SUMF2: variants seen among roughly 807,000 people sequenced by gnomAD.
SUMF2 encodes inactive C-alpha-formylglycine-generating enzyme 2.
Under a neutral mutation model 44.8 loss-of-function variants are expected in SUMF2, and 45 were observed. That is an observed-to-expected ratio of 1.00 (90% CI 0.79 to 1.29). SUMF2 has a LOEUF of 1.29. SUMF2 is among the 50% of genes most tolerant of loss of function. The pLI is 0.00. For synonymous variants in SUMF2, 148 were observed against 150.4 expected (o/e 0.98, Z 0.12); for missense variants, 418 against 389.9 (o/e 1.07, Z -0.61).
rs114774908 is a variant in SUMF2 at position 56,075,378 on chromosome 7, T to G, written c.535+642T>G. On this transcript the variant is annotated intron_variant, in intron 5 of 8. Coordinates refer to ENST00000434526, the MANE Select transcript of SUMF2 (RefSeq NM_015411.4). Reference sequence around the variant, plus strand: ...TACCAAGACTACACACTTCTGCCTCTGGGGTACAGAGATTAATGTTAAGAG... The same window carrying G: ...TACCAAGACTACACACTTCTGCCTCGGGGGTACAGAGATTAATGTTAAGAG... Among the ~76,000 whole-genome samples the G allele has an allele frequency of 9.3e-3, 1,420 of 152,090 alleles. 19 individuals carry two copies. The highest frequency in any genetic ancestry group is 0.032 in the African/African-American group (1,345 of 41,482).
At chr7:56,082,336 T>C, downstream of SUMF2, 2 of 1,089,992 alleles carry the variant, frequency 1.8e-6, no homozygotes, top group Admixed American at 3.8e-5. Flanking sequence ...CTCATTTCTA[T>C]AATCCTAGCA....
chr7:56,074,489 A>G, intron 4 of SUMF2, 97 bp from the exon 5 acceptor site: 4 of 1,492,076 alleles, frequency 2.7e-6, no homozygotes. Flanking sequence ...CTCTTGCTCC[A>G]TCTAGTGGTA....
downstream of SUMF2, chr7:56,081,812 C>A (rs936093867): frequency 3.1e-6 from 5 of 1,608,118 alleles, no homozygotes; most frequent in Non-Finnish European, 4.3e-6. The surrounding 1 kb of genome is among the most constrained non-coding windows in gnomAD (Gnocchi z 4.6). Flanking sequence ...TCCAGCATGT[C>A]AGGAAAGGCA....
chr7:56,077,213 A>C (rs1326362852), intron 6 of SUMF2, among the ~76,000 whole-genome samples: 1 of 150,592 alleles, frequency 6.6e-6, no homozygotes, highest in Non-Finnish European at 1.5e-5. Flanking sequence ...TGCCCAGCTA[A>C]TTTTTTTGTA....
chr7:56,069,117 G>C (rs1336670103), intron 2 of SUMF2, among the ~76,000 whole-genome samples: 6 of 152,094 alleles, frequency 3.9e-5, no homozygotes, highest in Non-Finnish European at 8.8e-5. Flanking sequence ...AATCCAAAGA[G>C]GTTTGACTGA....
chr7:56,065,121 G>C, intron 1 of SUMF2, among the ~76,000 whole-genome samples: 1 of 149,786 alleles, frequency 6.7e-6, no homozygotes, highest in African/African-American at 2.5e-5. Flanking sequence ...GAACCCCGGG[G>C]GGTGGAGCCT....
chr7:56,084,369 G>GT, downstream of SUMF2: 4 of 473,416 alleles, frequency 8.4e-6, no homozygotes, highest in Non-Finnish European at 1.1e-5. Flanking sequence ...TGAGTATCCC[G>GT]ATTTTTTTTT....
downstream of SUMF2, chr7:56,084,246 T>C: frequency 3.3e-6 from 5 of 1,507,310 alleles, no homozygotes; most frequent in Non-Finnish European, 4.5e-6. Flanking sequence ...TCTTCCCATC[T>C]GTGGAAGTGA....
chr7:56,074,014 C>CAAAAA (rs56927689), intron 3 of SUMF2, 160 bp from the exon 4 acceptor site: 54 of 320,880 alleles, frequency 1.7e-4, no homozygotes, highest in Middle Eastern at 1.8e-3. Flanking sequence ...GATCTTGTCT[C>CAAAAA]AAAAAAAAAA....
chr7:56,077,884 T>C (rs1795667065), intron 6 of SUMF2, among the ~76,000 whole-genome samples: 1 of 151,626 alleles, frequency 6.6e-6, no homozygotes, highest in South Asian at 2.1e-4. Flanking sequence ...GCCCTGTGGG[T>C]ACAGGGGAAA....
chr7:56,068,467 CTT>C lies in SUMF2; in HGVS notation c.68-10_68-9del, dbSNP rs768397314. The C allele has an allele frequency of 1.3e-6, 2 of 1,598,728 alleles. No homozygotes were observed. Among genetic ancestry groups the C allele is most frequent in the East Asian group, 2.2e-5 (1 of 44,782 alleles). Reference sequence around the variant, plus strand: ...ATATGCATGTATTACTGGTAACTCTCTTTTTTCTCTGCAGGAAATGGACAGGC... The same window carrying C: ...ATATGCATGTATTACTGGTAACTCTCTTTTCTCTGCAGGAAATGGACAGGC... On this transcript the variant is annotated splice_polypyrimidine_tract_variant and intron_variant, in intron 1 of 8. Coordinates refer to ENST00000434526, the MANE Select transcript of SUMF2 (RefSeq NM_015411.4).
In SUMF2 at chr7:56,071,812, A is replaced by ATAAATAAT. The variant is rs1175317309; in HGVS notation, c.225-1182_225-1181insATAATTAA. Among the ~76,000 whole-genome samples, 886 of 149,698 alleles carry ATAAATAAT rather than the reference A, an allele frequency of 5.9e-3. 31 individuals carry two copies. Among genetic ancestry groups the ATAAATAAT allele is most frequent in the African/African-American group, 0.02 (796 of 40,656 alleles). On this transcript the variant is annotated intron_variant, in intron 2 of 8. Transcript: ENST00000434526. ...AATAAATAAATAAATAAATAAATAA[A>ATAAATAAT]TAATTAAATAAAAAATAATTTGGGC...
At position 56,073,076 on chromosome 7, in the gene SUMF2, G is replaced by C. The variant is rs1249184907; in HGVS notation, c.304G>C (p.Asp102His). ...WSFVFEDFVS[D>H]ELRNKATQPM... Reference sequence around the variant, plus strand: ...CTTTGTCTTTGAGGACTTTGTCTCTGATGAGCTGAGAAACAAAGCCACCCA... The same window carrying C: ...CTTTGTCTTTGAGGACTTTGTCTCTCATGAGCTGAGAAACAAAGCCACCCA... Residue 102 changes from aspartate (D) to histidine (H), a missense_variant, in exon 3 of 9, where the codon GAT (aspartate) becomes CAT (histidine). Transcript: ENST00000434526. The C allele has an allele frequency of 6.2e-7, 1 of 1,614,022 alleles. No individual in the cohort carries two copies. Among genetic ancestry groups the C allele is most frequent in the African/African-American group, 1.3e-5 (1 of 74,918 alleles).
chr7:56,085,683 G>A, the SUMF2 span, among the ~76,000 whole-genome samples: 1,145 of 152,298 alleles, frequency 7.5e-3, 14 homozygotes, highest in African/African-American at 0.025. Flanking sequence ...AAGGAAGTCA[G>A]CCTGGGCGCA....
At chr7:56,079,031 G>T in intron 8 of SUMF2, 1 of 578,030 alleles carries the variant, frequency 1.7e-6, no homozygotes, top group Non-Finnish European at 3.1e-6. Context: ...CAAGTATCTG[G>T]GACTACAGGT....
At chr7:56,078,271 C>T (rs1795706667) in intron 7 of SUMF2, 85 bp downstream of exon 7, 1 of 1,562,966 alleles carries the variant, frequency 6.4e-7, no homozygotes, top group Non-Finnish European at 8.7e-7. Flanking sequence ...GAGGGAAGCA[C>T]CTCCCTTCTG....
chr7:56,086,835 G>C, the SUMF2 span: 1 of 767,042 alleles, frequency 1.3e-6, no homozygotes, highest in Non-Finnish European at 2.4e-6. Flanking sequence ...GGGCTGATCT[G>C]TCTAAACACC....
downstream of SUMF2, chr7:56,081,428 C>T (rs1028609715): frequency 2.4e-5 from 31 of 1,300,074 alleles, no homozygotes; most frequent in Non-Finnish European, 3.2e-5. The surrounding 1 kb of genome is among the most constrained non-coding windows in gnomAD (Gnocchi z 4.6). Context: ...TTCCTAGTGT[C>T]CCCCACTTCC....
chr7:56,071,726 A>G (rs1247388928), intron 2 of SUMF2, among the ~76,000 whole-genome samples: 2 of 152,076 alleles, frequency 1.3e-5, no homozygotes, highest in East Asian at 3.9e-4. Flanking sequence ...TAGAGGTTGC[A>G]GTGAGCTGAG....
Sources: allele counts gnomAD v4.1 joint callset (sites outside exome capture counted in the v4.1 genomes callset), GRCh38; gene constraint gnomAD v4.1.1; non-coding constraint Gnocchi (gnomAD v3.1); transcripts MANE v1.5; gene names NCBI Gene and HGNC (gene_info 2026-07-23, HGNC 2026-07-21).